The following ZNF676 variants were observed in gnomAD, a reference collection of about 807,000 sequenced individuals.
The protein encoded by ZNF676 is zinc finger protein 676.
A neutral mutation model predicts 6.0 loss-of-function variants in ZNF676; 4 were observed. The observed-to-expected ratio is 0.67, with a 90% CI of 0.33 to 1.53. ZNF676 has a LOEUF of 1.53. Ranked by LOEUF, ZNF676 falls within the 40% of genes most tolerant of loss-of-function variation. ZNF676 has a pLI of 0.06. For missense variants in ZNF676, 644 were observed against 679.7 expected (o/e 0.95, Z 0.58); for synonymous variants, 198 against 223.1 (o/e 0.89, Z 1.00).
chr19:22,235,097 A>G, the ZNF676 span, among the ~76,000 whole-genome samples: 1 of 134,532 alleles, frequency 7.4e-6, no homozygotes, highest in African/African-American at 3.1e-5. Context: ...AGGCAGGAAG[A>G]AGGAAGTCAG....
the ZNF676 span, among the ~76,000 whole-genome samples, chr19:22,250,973 T>C: frequency 0.88 from 133,747 of 152,044 alleles, 61,392 homozygotes; most frequent in East Asian, 1. Flanking sequence ...TGGTCTCCCA[T>C]AGTGCTGGGA....
upstream of ZNF676, among the ~76,000 whole-genome samples, chr19:22,201,357 T>C (rs1337234610): frequency 6.6e-6 from 1 of 152,200 alleles, no homozygotes; most frequent in East Asian, 1.9e-4. Context: ...GAAATTAAAA[T>C]GTCTATGTTG....
chr19:22,183,604 T>G (rs1249069765), intron 2 of ZNF676, among the ~76,000 whole-genome samples: 6 of 152,124 alleles, frequency 3.9e-5, no homozygotes, highest in African/African-American at 1.2e-4. Flanking sequence ...CCACCTAAAG[T>G]GCTAGGATTA....
At chr19:22,215,772 C>G in exon 1 of ZNF676, 1 of 1,092,016 alleles carries the variant, frequency 9.2e-7, no homozygotes, top group South Asian at 1.5e-5. Context: ...GACAAAGGAC[C>G]GACCACATCC....
At chr19:22,218,964 T>C (rs2144850134), upstream of ZNF676, among the ~76,000 whole-genome samples, 1 of 151,724 alleles carries the variant, frequency 6.6e-6, no homozygotes, top group African/African-American at 2.4e-5. Flanking sequence ...TTTCCTAGTC[T>C]TGCTTTGACT....
At chr19:22,222,507 T>A in the ZNF676 span, among the ~76,000 whole-genome samples, 1 of 152,210 alleles carries the variant, frequency 6.6e-6, no homozygotes, top group Non-Finnish European at 1.5e-5. Flanking sequence ...TTTAAACAAT[T>A]TTTTTGCCTA....
At chr19:22,200,221 A>G (rs2024010096), upstream of ZNF676, among the ~76,000 whole-genome samples, 3 of 152,052 alleles carry the variant, frequency 2.0e-5, no homozygotes, top group South Asian at 6.2e-4. Context: ...ACATACTAAT[A>G]AGAAATTTAA....
At position 22,193,148 on chromosome 19, in the gene ZNF676, A is replaced by G. The variant is rs778621124; in HGVS notation, c.35-37T>C. The G allele has an allele frequency of 3.2e-6, 5 of 1,545,472 alleles. No homozygotes were observed. The South Asian group carries it at 6.4e-5, about 20-fold the overall frequency. On this transcript the variant is annotated intron_variant, in intron 1 of 2. Coordinates refer to ENST00000397121, the MANE Select transcript of ZNF676 (RefSeq NM_001001411.3). ...AAAATGAACAACATCCATCTTGCTC[A>G]TATTCTCCAATTACCAACTTAGTAA...
At chr19:22,212,399 A>C (rs1215404927) in intron 1 of ZNF676, among the ~76,000 whole-genome samples, 1 of 151,890 alleles carries the variant, frequency 6.6e-6, no homozygotes, top group African/African-American at 2.4e-5. Flanking sequence ...GATGCAATTT[A>C]CAGTTAAAAA....
rs763929340 is a variant in ZNF676 at position 22,180,272 on chromosome 19, C to T, written c.1445G>A (p.Cys482Tyr). The part of the protein sequence containing the change: ...AAEKPYKCEE[C>Y]GKGFSTFSIL... The stretch of plus-strand genomic sequence containing the variant: ...TGAGAACGTACTAAAGCCTTTGCCA[C>T]ATTCTTCACATTTGTAAGGTTTCTC... Residue 482 changes from cysteine (C) to tyrosine (Y), a missense_variant, in exon 3 of 3, where the codon TGT (cysteine) becomes TAT (tyrosine). By Grantham distance (194) the Cys-to-Tyr change is radical. Coordinates refer to ENST00000397121, the MANE Select transcript of ZNF676 (RefSeq NM_001001411.3). 266 of 1,612,586 alleles carry T rather than the reference C, an allele frequency of 1.6e-4. No homozygotes were observed. Among genetic ancestry groups the T allele is most frequent in the Non-Finnish European group, 2.1e-4 (250 of 1,178,834 alleles).
At chr19:22,235,410 T>G in the ZNF676 span, among the ~76,000 whole-genome samples, 1 of 152,078 alleles carries the variant, frequency 6.6e-6, no homozygotes, top group African/African-American at 2.4e-5. Context: ...CACACCCAAA[T>G]GAGGAATAGG....
At chr19:22,214,997 C>G (rs2024167976) in intron 1 of ZNF676, among the ~76,000 whole-genome samples, 1 of 145,800 alleles carries the variant, frequency 6.9e-6, no homozygotes, top group Non-Finnish European at 1.5e-5. Context: ...GCCAAGATTC[C>G]GCTACTGCAC....
chr19:22,180,724 A>G lies in ZNF676; in HGVS notation c.993T>C (p.His331=). 1 of 1,612,560 alleles carries G rather than the reference A, an allele frequency of 6.2e-7. No individual in the cohort carries two copies. The highest frequency in any genetic ancestry group is 8.5e-7 in the Non-Finnish European group (1 of 1,179,302). ...SSSLTEHKRI[H]AGEKPYKCEE... ...CACATTTGTAGGGTTTCTCTCCAGC[A>G]TGAATTCTCTTGTGTTCAGTAAGGC... Residue 331 remains histidine (H), a synonymous_variant, in exon 3 of 3, where the codon CAT becomes CAC. Transcript: ENST00000397121.
chr19:22,237,284 C>CT, the ZNF676 span, among the ~76,000 whole-genome samples: 1 of 152,102 alleles, frequency 6.6e-6, no homozygotes, highest in African/African-American at 2.4e-5. Flanking sequence ...CTATTAGAAG[C>CT]TTTTTTAACT....
chr19:22,246,187 A>G, the ZNF676 span, among the ~76,000 whole-genome samples: 3 of 152,232 alleles, frequency 2.0e-5, no homozygotes, highest in South Asian at 2.1e-4. Context: ...AGAAAAAAAC[A>G]TATGTCATAA....
intron 1 of ZNF676, among the ~76,000 whole-genome samples, chr19:22,211,919 G>A (rs926486301): frequency 6.6e-6 from 1 of 152,076 alleles, no homozygotes; most frequent in Non-Finnish European, 1.5e-5. Context: ...ACACCTGAGG[G>A]CAGGGCGCAG....
At chr19:22,222,510 T>C in the ZNF676 span, among the ~76,000 whole-genome samples, 1 of 152,216 alleles carries the variant, frequency 6.6e-6, no homozygotes, top group Non-Finnish European at 1.5e-5. Flanking sequence ...AAACAATTTT[T>C]TTGCCTAGTT....
intron 1 of ZNF676, among the ~76,000 whole-genome samples, chr19:22,207,055 C>A (rs2024083709): frequency 6.6e-6 from 1 of 152,134 alleles, no homozygotes; most frequent in South Asian, 2.1e-4. Context: ...CTTCTCTCAA[C>A]ACTCCTATAT....
chr19:22,250,644 A>ATGTT, the ZNF676 span, among the ~76,000 whole-genome samples: 1 of 150,252 alleles, frequency 6.7e-6, no homozygotes, highest in African/African-American at 2.4e-5. Flanking sequence ...TGAGATGGAG[A>ATGTT]TGGCTTCCAA....
Sources: allele counts gnomAD v4.1 joint callset (sites outside exome capture counted in the v4.1 genomes callset), GRCh38; gene constraint gnomAD v4.1.1; transcripts MANE v1.5; gene names NCBI Gene and HGNC (gene_info 2026-07-23, HGNC 2026-07-21).